The following TFEC variants were observed in gnomAD, a reference collection of about 807,000 sequenced individuals.
TFEC encodes the protein transcription factor EC, also known as class E basic helix-loop-helix protein 34.
TFEC carries 31 observed loss-of-function variants against 41.6 expected under a neutral mutation model. That is an observed-to-expected ratio of 0.74 (90% CI 0.56 to 1.01). The LOEUF (loss-of-function observed/expected upper bound fraction) is 1.01. Among genes scored for constraint, TFEC ranks in the 50% least tolerant of loss-of-function variants. The probability of loss-of-function intolerance (pLI) is 0.00; values close to 1 mark genes in which losing one functional copy is unlikely to be tolerated. For missense variants in TFEC, 402 were observed against 404.1 expected, an observed-to-expected ratio of 0.99 and a Z score of 0.04; for synonymous variants, 143 against 140.6, an observed-to-expected ratio of 1.02 and a Z score of -0.12.
At chr7:116,064,878 T>A (rs1796657445) in intron 3 of TFEC, among the ~76,000 whole-genome samples, 2 of 151,952 alleles carry the variant, frequency 1.3e-5, no homozygotes, top group Admixed American at 1.3e-4. Context: ...AGAACTGAAA[T>A]GTTCATACTG....
chr7:115,946,006 T>G (rs529509482), intron 6 of TFEC, among the ~76,000 whole-genome samples: 1 of 151,928 alleles, frequency 6.6e-6, no homozygotes, highest in Non-Finnish European at 1.5e-5. Context: ...CCATTCTATG[T>G]TCTAGAAAAT....
intron 1 of TFEC, among the ~76,000 whole-genome samples, chr7:116,121,244 T>C (rs1039491635): frequency 6.6e-6 from 1 of 151,992 alleles, no homozygotes; most frequent in Non-Finnish European, 1.5e-5. Flanking sequence ...CCATTAATGT[T>C]ACAACATAAA....
At chr7:116,115,852 T>A (rs1413370977) in intron 1 of TFEC, among the ~76,000 whole-genome samples, 2 of 151,996 alleles carry the variant, frequency 1.3e-5, no homozygotes, top group African/African-American at 4.8e-5. Flanking sequence ...ATATGCCGGA[T>A]GTTTTTATAA....
chr7:116,016,845 T>C (rs2130837738), intron 1 of TFEC, among the ~76,000 whole-genome samples: 1 of 152,192 alleles, frequency 6.6e-6, no homozygotes, highest in East Asian at 1.9e-4. Context: ...TATCTCTCTA[T>C]ATAATCACAA....
At chr7:116,083,363 T>A (rs911978098) in intron 3 of TFEC, among the ~76,000 whole-genome samples, 10 of 151,820 alleles carry the variant, frequency 6.6e-5, no homozygotes, top group Admixed American at 3.9e-4. Flanking sequence ...TAAAAAAAAA[T>A]TTGTATATTT....
intron 6 of TFEC, among the ~76,000 whole-genome samples, chr7:115,944,460 T>C (rs944784425): frequency 6.6e-6 from 1 of 151,680 alleles, no homozygotes; most frequent in Non-Finnish European, 1.5e-5. Context: ...TTTCTCAACC[T>C]GTACGTCTCA....
intron 3 of TFEC, among the ~76,000 whole-genome samples, chr7:116,073,084 G>C (rs1162162568): frequency 6.6e-6 from 1 of 151,428 alleles, no homozygotes; most frequent in Non-Finnish European, 1.5e-5. Context: ...CTCGTACATA[G>C]AAAATCTTAA....
At chr7:116,101,188 G>C (rs1584516853) in intron 3 of TFEC, among the ~76,000 whole-genome samples, 3 of 109,826 alleles carry the variant, frequency 2.7e-5, no homozygotes, top group African/African-American at 7.1e-5. Context: ...CCACTTTCAT[G>C]CCCCCCCCCA....
intron 3 of TFEC, among the ~76,000 whole-genome samples, chr7:115,967,954 G>A (rs1161259798): frequency 1.3e-5 from 2 of 151,754 alleles, no homozygotes; most frequent in Admixed American, 1.3e-4. Flanking sequence ...ACAGGAGTTT[G>A]AATATTTTTT....
At chr7:116,041,571 T>C (rs1013375364) in intron 3 of TFEC, among the ~76,000 whole-genome samples, 3 of 152,214 alleles carry the variant, frequency 2.0e-5, no homozygotes, top group Non-Finnish European at 4.4e-5. Flanking sequence ...AAGAGCTGGT[T>C]ATTAGCAGTG....
chr7:115,998,517 C>CA (rs1463542216), intron 1 of TFEC, among the ~76,000 whole-genome samples: 1 of 150,824 alleles, frequency 6.6e-6, no homozygotes, highest in South Asian at 2.1e-4. Context: ...ACTCTCCAAT[C>CA]AAAAAAACAT....
chr7:116,137,351 C>A (rs575985383), intron 1 of TFEC, among the ~76,000 whole-genome samples: 10 of 152,228 alleles, frequency 6.6e-5, no homozygotes, highest in African/African-American at 2.4e-4. Flanking sequence ...ACTTCTAAAT[C>A]CTCAAGGGAA....
intron 3 of TFEC, among the ~76,000 whole-genome samples, chr7:115,972,891 T>A (rs188282406): frequency 7.2e-5 from 11 of 152,154 alleles, no homozygotes; most frequent in Admixed American, 5.9e-4. Context: ...AAGAGAAGGC[T>A]GCAGGAAATT....
chr7:116,005,300 A>G (rs1420256455), intron 1 of TFEC, among the ~76,000 whole-genome samples: 9 of 152,190 alleles, frequency 5.9e-5, no homozygotes, highest in South Asian at 2.1e-4. Flanking sequence ...AAAATGTGGG[A>G]AAGTTTGGAA....
intron 1 of TFEC, among the ~76,000 whole-genome samples, chr7:116,119,491 T>C (rs1467071123): frequency 6.6e-6 from 1 of 151,792 alleles, no homozygotes; most frequent in Non-Finnish European, 1.5e-5. Context: ...ATAAATTTAA[T>C]GAATTAACCA....
chr7:116,018,558 T>C (rs1214338350), intron 1 of TFEC, among the ~76,000 whole-genome samples: 3 of 152,166 alleles, frequency 2.0e-5, no homozygotes. Context: ...AATCTAGCTT[T>C]GGGAAGATCA....
At chr7:116,044,729 G>A (rs1009592984) in intron 3 of TFEC, among the ~76,000 whole-genome samples, 1 of 152,232 alleles carries the variant, frequency 6.6e-6, no homozygotes, top group Non-Finnish European at 1.5e-5. Context: ...TACACCTGCT[G>A]ACTGCAGGCA....
intron 2 of TFEC, among the ~76,000 whole-genome samples, chr7:115,982,994 T>G (rs998292375): frequency 6.6e-6 from 1 of 152,144 alleles, no homozygotes; most frequent in African/African-American, 2.4e-5. Flanking sequence ...TCAAGATTTG[T>G]TTTTCTCTTT....
intron 1 of TFEC, among the ~76,000 whole-genome samples, chr7:116,155,787 G>A (rs895570948): frequency 1.3e-5 from 2 of 151,884 alleles, no homozygotes; most frequent in Non-Finnish European, 2.9e-5. Flanking sequence ...TCTTTGTCAC[G>A]GGGCTGCCTA....
Sources: gnomAD v4.1 joint callset for allele counts (sites outside exome capture counted in the v4.1 genomes callset) on GRCh38, gnomAD v4.1.1 for gene constraint, MANE v1.5 for transcripts, NCBI Gene and HGNC (gene_info 2026-07-23, HGNC 2026-07-21) for gene names.